CCDC39: variants seen among roughly 807,000 people sequenced by gnomAD.
The protein encoded by CCDC39 is coiled-coil domain 39 molecular ruler complex subunit, also known as coiled-coil domain-containing protein 39.
In CCDC39, 113 loss-of-function variants were observed where a neutral mutation model predicts 121.0. That is an observed-to-expected ratio of 0.93 (90% confidence interval 0.80 to 1.09). The LOEUF (loss-of-function observed/expected upper bound fraction) is 1.09. Ranked by LOEUF, CCDC39 falls within the 50% of genes least tolerant of loss-of-function variation. The pLI is 0.00. For synonymous variants in CCDC39, 349 were observed against 352.2 expected, an observed-to-expected ratio of 0.99 and a Z score of 0.10; for missense variants, 1,063 against 1,074.7, an observed-to-expected ratio of 0.99 and a Z score of 0.15.
At chr3:180,616,224 A>G (rs1717232238) in intron 19 of CCDC39, 57 bp downstream of exon 19, 2 of 1,452,582 alleles carry the variant, frequency 1.4e-6, no homozygotes, top group Non-Finnish European at 1.9e-6. Context: ...AGTGGCTGGA[A>G]TCACTTAGTG....
intron 6 of CCDC39, among the ~76,000 whole-genome samples, chr3:180,655,976 G>T (rs1269568164): frequency 6.6e-6 from 1 of 152,156 alleles, no homozygotes; most frequent in African/African-American, 2.4e-5. Context: ...GAGATTGGGG[G>T]AGGAGGTATG....
rs150113029 is a variant in CCDC39 at position 180,669,112 on chromosome 3, G to A, written c.91-5126C>T. Among the ~76,000 whole-genome samples, 640 of 152,224 alleles carry A rather than the reference G, an allele frequency of 4.2e-3. 2 individuals are homozygous for A. Among genetic ancestry groups the A allele is most frequent in the Non-Finnish European group, 7.7e-3 (521 of 67,990 alleles). On this transcript the variant is annotated intron_variant, in intron 1 of 19. Coordinates refer to ENST00000476379, the MANE Select transcript of CCDC39 (RefSeq NM_181426.2). ...ATAGCAATAGACCATTCATTAAATA[G>A]TTTATCTCTCTCCTTTGATTTGAAA...
chr3:180,649,540 A>G (rs1420004507), intron 9 of CCDC39, among the ~76,000 whole-genome samples: 1 of 152,168 alleles, frequency 6.6e-6, no homozygotes, highest in African/African-American at 2.4e-5. Flanking sequence ...TACATAAACA[A>G]TTTTCTATAG....
chr3:180,662,016 T>C lies in CCDC39; in HGVS notation c.211-9A>G. 6.5e-7 allele frequency: 1 copy of C among 1,539,758 alleles called. No homozygotes were observed. Among genetic ancestry groups the C allele is most frequent in the Non-Finnish European group, 8.7e-7 (1 of 1,144,042 alleles). On this transcript the variant is annotated splice_polypyrimidine_tract_variant and intron_variant, in intron 2 of 19. Transcript: ENST00000476379. ...CTTGCTTTGCAAAGAGACTACAGAA[T>C]AACACACAAGATAAAAAGGCTTTTA...
At chr3:180,636,101 A>T (rs768552260) in intron 13 of CCDC39, among the ~76,000 whole-genome samples, 2 of 152,166 alleles carry the variant, frequency 1.3e-5, no homozygotes, top group African/African-American at 2.4e-5. Flanking sequence ...GAAGTCCTGG[A>T]CAGAGCAGTA....
intron 1 of CCDC39, among the ~76,000 whole-genome samples, chr3:180,669,915 T>G (rs1385725087): frequency 6.6e-6 from 1 of 152,172 alleles, no homozygotes; most frequent in Non-Finnish European, 1.5e-5. Flanking sequence ...AAATAAAGTC[T>G]TTATAAAGGG....
chr3:180,668,186 T>C (rs1416845040), intron 1 of CCDC39, among the ~76,000 whole-genome samples: 1 of 152,070 alleles, frequency 6.6e-6, no homozygotes, highest in Non-Finnish European at 1.5e-5. Context: ...AAGACCAGTC[T>C]TGCAAACATG....
chr3:180,629,761 A>T (rs1717651820), intron 14 of CCDC39, among the ~76,000 whole-genome samples: 1 of 152,228 alleles, frequency 6.6e-6, no homozygotes, highest in Non-Finnish European at 1.5e-5. Context: ...AAGATGGAAG[A>T]TAAGAAATAT....
intron 3 of CCDC39, among the ~76,000 whole-genome samples, chr3:180,661,354 G>A (rs1210294841): frequency 1.3e-5 from 2 of 152,076 alleles, no homozygotes; most frequent in Admixed American, 6.5e-5. Flanking sequence ...ATATGTAAGT[G>A]TATTTCCATA....
Position 180,631,402 on chromosome 3 carries a change from G to C in CCDC39, c.1998+67C>G, listed in dbSNP as rs1385709604. The C allele has an allele frequency of 1.4e-5, 19 of 1,371,424 alleles. No individual in the cohort carries two copies. The East Asian group carries it at 3.9e-4, about 28-fold the overall frequency. 85.0% of individuals were successfully genotyped at this position (1,371,424 alleles called of 1,614,324 possible). On this transcript the variant is annotated intron_variant, in intron 14 of 19. Coordinates refer to ENST00000476379, the MANE Select transcript of CCDC39 (RefSeq NM_181426.2). ...TGTTGTTTTTTTATTTAAATTCAGA[G>C]GATTATGATGAATGAGTTAACAAAG...
At chr3:180,670,680 A>G (rs1395105151) in intron 1 of CCDC39, among the ~76,000 whole-genome samples, 1 of 120,202 alleles carries the variant, frequency 8.3e-6, no homozygotes, top group Non-Finnish European at 1.8e-5. Flanking sequence ...TTTTCATTTA[A>G]TTTCTTGAAA....
At chr3:180,653,953 GTA>G (rs1711522095) in intron 7 of CCDC39, among the ~76,000 whole-genome samples, 1 of 150,442 alleles carries the variant, frequency 6.6e-6, no homozygotes, top group East Asian at 1.9e-4. Flanking sequence ...TTTTATTGTT[GTA>G]TTATTTTTAT....
rs989214955 is a variant in CCDC39 at position 180,652,184 on chromosome 3, T to C, written c.1013A>G (p.Asp338Gly). The change falls in exon 8 of 20, where the codon GAC (aspartate) becomes GGC (glycine). Residue 338 changes from aspartate to glycine, a missense_variant. Asp to Gly is a moderately conservative substitution (Grantham distance 94, BLOSUM62 -1). Transcript: ENST00000476379. ...LRKNISKIKKDIHEETARLQK... is the reference protein window; with the variant it reads ...LRKNISKIKKGIHEETARLQK... ...TTACCTTGCTGTTTCTTCATGAATG[T>C]CCTTCTTTATCTTGGAAATATTTTT... 6.6e-7 allele frequency: 1 copy of C among 1,525,290 alleles called. No homozygotes were observed. The highest frequency in any genetic ancestry group is 8.8e-7 in the Non-Finnish European group (1 of 1,133,952). The allele number at this position is 1,525,290 out of a possible 1,614,324, so 94.5% of individuals were successfully genotyped here.
At chr3:180,677,166 TTTTATATATATATA>T (rs1163911932) in intron 1 of CCDC39, among the ~76,000 whole-genome samples, 9 of 40,918 alleles carry the variant, frequency 2.2e-4, no homozygotes, top group African/African-American at 4.6e-4. Flanking sequence ...ATAATAATAA[TTTTATATATATATA>T]TATATATATA....
At chr3:180,620,039 C>G in intron 14 of CCDC39, 69 bp from the exon 15 acceptor site, 3 of 1,230,402 alleles carry the variant, frequency 2.4e-6, no homozygotes, top group Non-Finnish European at 3.3e-6. Flanking sequence ...TAATGGCTGT[C>G]TTTGGAGCAG....
At chr3:180,672,899 G>A (rs1208823237) in intron 1 of CCDC39, among the ~76,000 whole-genome samples, 1 of 152,134 alleles carries the variant, frequency 6.6e-6, no homozygotes, top group Non-Finnish European at 1.5e-5. Context: ...ACCAAATATT[G>A]GTATTAATAG....
At chr3:180,653,322 C>T (rs1243134583) in intron 7 of CCDC39, among the ~76,000 whole-genome samples, 2 of 152,274 alleles carry the variant, frequency 1.3e-5, no homozygotes, top group Non-Finnish European at 1.5e-5. Flanking sequence ...ACTGACACTA[C>T]CCTAATTGAT....
At position 180,679,481 on chromosome 3, in the gene CCDC39, G is replaced by A. The variant is rs897699523; in HGVS notation, c.-101C>T. The A allele has an allele frequency of 1.3e-5, 14 of 1,118,604 alleles. No individual in the cohort carries two copies. Among genetic ancestry groups the A allele is most frequent in the African/African-American group, 9.2e-5 (6 of 64,930 alleles). 69.3% of individuals were successfully genotyped at this position (1,118,604 alleles called of 1,614,324 possible). On this transcript the variant is annotated 5_prime_UTR_variant, in exon 1 of 20. Coordinates refer to ENST00000476379, the MANE Select transcript of CCDC39 (RefSeq NM_181426.2). This position sits in a 1 kb window ranked among gnomAD's most constrained non-coding sequence, Gnocchi z 4.0. ...GCCCAGGCACCTGCACAGTGCCGCG[G>A]CAATTGCCGGGGGAGCCCTAGCAAC...
intron 1 of CCDC39, among the ~76,000 whole-genome samples, chr3:180,673,200 T>C (rs757052897): frequency 1.3e-5 from 2 of 152,230 alleles, no homozygotes; most frequent in Admixed American, 6.5e-5. Context: ...CATAAGCTTA[T>C]TTGATAAAGC....
Sources: gnomAD v4.1 joint callset for allele counts (sites outside exome capture counted in the v4.1 genomes callset) on GRCh38, gnomAD v4.1.1 for gene constraint, Gnocchi (gnomAD v3.1) non-coding constraint, MANE v1.5 for transcripts, NCBI Gene and HGNC (gene_info 2026-07-23, HGNC 2026-07-21) for gene names.